Variants in LPAR1 observed in about 807,000 individuals in gnomAD.
LPAR1 encodes the protein LPA receptor 1.
A neutral mutation model predicts 23.8 loss-of-function variants in LPAR1; 5 were observed. That is an observed-to-expected ratio of 0.21 (90% CI 0.11 to 0.44). The LOEUF is 0.44. Among genes scored for constraint, LPAR1 ranks in the 20% least tolerant of loss-of-function variants. The probability of loss-of-function intolerance (pLI) is 0.99; values close to 1 mark genes in which losing one functional copy is unlikely to be tolerated. For missense variants in LPAR1, 311 were observed against 482.8 expected (o/e 0.64, Z 3.33); for synonymous variants, 160 against 164.7 (o/e 0.97, Z 0.22).
At chr9:110,983,351 A>G (rs904970558) in intron 2 of LPAR1, among the ~76,000 whole-genome samples, 2 of 152,100 alleles carry the variant, frequency 1.3e-5, no homozygotes, top group Admixed American at 1.3e-4. Flanking sequence ...ATTCTGGCAT[A>G]TGCTATGACA....
intron 4 of LPAR1, among the ~76,000 whole-genome samples, chr9:110,946,261 A>T (rs2095374140): frequency 6.6e-6 from 1 of 152,138 alleles, no homozygotes; most frequent in Non-Finnish European, 1.5e-5. Context: ...GAAAGATTAG[A>T]AGGAACCTGA....
At chr9:111,007,519 G>GA (rs1162627245) in intron 2 of LPAR1, among the ~76,000 whole-genome samples, 32 of 152,122 alleles carry the variant, frequency 2.1e-4, no homozygotes, top group African/African-American at 7.2e-4. Context: ...ATGAGCATAA[G>GA]AAAAAATTGT....
intron 5 of LPAR1, among the ~76,000 whole-genome samples, chr9:110,888,982 A>G (rs554203635): frequency 6.6e-6 from 1 of 152,366 alleles, no homozygotes; most frequent in East Asian, 1.9e-4. Flanking sequence ...GAATACTGCA[A>G]GGATATACAA....
intron 5 of LPAR1, among the ~76,000 whole-genome samples, chr9:110,925,894 T>C (rs1174542188): frequency 5.3e-5 from 8 of 152,282 alleles, no homozygotes; most frequent in African/African-American, 1.7e-4. Flanking sequence ...GGTCACACAA[T>C]TAACATGTCA....
chr9:110,912,610 T>A (rs563556134), intron 5 of LPAR1, among the ~76,000 whole-genome samples: 48 of 152,306 alleles, frequency 3.2e-4, no homozygotes, highest in African/African-American at 1.1e-3. Context: ...GAGATAGTGT[T>A]TGGATATTCA....
intron 4 of LPAR1, among the ~76,000 whole-genome samples, chr9:110,949,958 C>T (rs903462866): frequency 2.0e-5 from 3 of 152,096 alleles, no homozygotes; most frequent in African/African-American, 7.2e-5. Context: ...ATGATCATCT[C>T]AAAAGACATG....
At chr9:110,955,260 G>A in intron 4 of LPAR1, among the ~76,000 whole-genome samples, 1 of 152,066 alleles carries the variant, frequency 6.6e-6, no homozygotes, top group Non-Finnish European at 1.5e-5. Context: ...CCATGCAAAT[G>A]AAAACCAAGA....
chr9:110,890,257 T>A (rs958440976), intron 5 of LPAR1, among the ~76,000 whole-genome samples: 5 of 152,120 alleles, frequency 3.3e-5, no homozygotes, highest in African/African-American at 1.2e-4. Flanking sequence ...AATCTGAATA[T>A]ACCCAAAACA....
chr9:111,020,183 T>C (rs1444049375), intron 2 of LPAR1, among the ~76,000 whole-genome samples: 5 of 152,208 alleles, frequency 3.3e-5, no homozygotes, highest in Non-Finnish European at 5.9e-5. Flanking sequence ...ACATGAATAT[T>C]AGGGAGAAAA....
At position 110,919,119 on chromosome 9, in the gene LPAR1, G is replaced by T. The variant is rs555838954; in HGVS notation, c.793+22302C>A. On this transcript the variant is annotated intron_variant, in intron 5 of 5. Transcript: ENST00000683809. ...TATGTAATTAAATTGACAATAAATT[G>T]CTCAAAAGGGAGATTACCCTGGGTC... 1.7e-4 allele frequency among the ~76,000 whole-genome samples: 26 copies of T among 152,256 alleles called. No individual in the cohort carries two copies. In the South Asian group the frequency reaches 5.0e-3, roughly 29 times the overall value.
intron 2 of LPAR1, among the ~76,000 whole-genome samples, chr9:110,975,061 T>C (rs2096526757): frequency 6.6e-6 from 1 of 152,166 alleles, no homozygotes; most frequent in Non-Finnish European, 1.5e-5. Context: ...TAAATGAATA[T>C]ATCAATAATA....
chr9:110,960,117 T>C (rs1305991931), intron 4 of LPAR1, among the ~76,000 whole-genome samples: 2 of 151,972 alleles, frequency 1.3e-5, no homozygotes, highest in Non-Finnish European at 2.9e-5. Context: ...TTAACGAAAA[T>C]GTATGGTATA....
rs11791516 is a variant in LPAR1, at chr9:110,915,722, A to C, written c.793+25699T>G. ...GTACATACTCATTTTTCTTAGAATAAATTTCTGGAATTATGAAGATGTAAA... is the reference window on the plus strand; with the variant it reads ...GTACATACTCATTTTTCTTAGAATACATTTCTGGAATTATGAAGATGTAAA... On this transcript the variant is annotated intron_variant, in intron 5 of 5. Coordinates refer to ENST00000683809, the MANE Select transcript of LPAR1 (RefSeq NM_001351411.2). 8.5e-3 allele frequency among the ~76,000 whole-genome samples: 1,294 copies of C among 152,308 alleles called. 11 individuals carry two copies. Among genetic ancestry groups the C allele is most frequent in the Middle Eastern group, 0.014 (4 of 294 alleles).
intron 2 of LPAR1, among the ~76,000 whole-genome samples, chr9:111,018,204 T>C (rs1359459136): frequency 6.6e-6 from 1 of 152,202 alleles, no homozygotes; most frequent in Admixed American, 6.5e-5. Context: ...GGACAGATTA[T>C]TATTAAAGTT....
chr9:110,937,014 T>C (rs2094754881), intron 5 of LPAR1, among the ~76,000 whole-genome samples: 2 of 152,118 alleles, frequency 1.3e-5, no homozygotes, highest in Admixed American at 1.3e-4. Flanking sequence ...TAGGGAGGGA[T>C]TACATGACTT....
At chr9:110,966,570 T>C (rs1370082374) in intron 4 of LPAR1, among the ~76,000 whole-genome samples, 1 of 151,716 alleles carries the variant, frequency 6.6e-6, no homozygotes, top group Non-Finnish European at 1.5e-5. Context: ...CAAACCTGCA[T>C]GTTCTGCACA....
At chr9:110,892,753 A>G (rs2084703798) in intron 5 of LPAR1, among the ~76,000 whole-genome samples, 1 of 138,366 alleles carries the variant, frequency 7.2e-6, no homozygotes, top group South Asian at 2.6e-4. Context: ...AGAGGGAGGG[A>G]GGAAGGGGAG....
intron 4 of LPAR1, among the ~76,000 whole-genome samples, chr9:110,959,185 A>AAAAAAAC (rs2095865241): frequency 6.8e-6 from 1 of 146,418 alleles, no homozygotes; most frequent in Non-Finnish European, 1.5e-5. Context: ...AAAAAAAAAA[A>AAAAAAAC]CCACTAAAAC....
intron 5 of LPAR1, among the ~76,000 whole-genome samples, chr9:110,916,725 G>T: frequency 6.6e-6 from 1 of 152,122 alleles, no homozygotes; most frequent in East Asian, 1.9e-4. Context: ...TTTCTCTAGA[G>T]AATGCTAATT....
Sources: allele counts gnomAD v4.1 joint callset (sites outside exome capture counted in the v4.1 genomes callset), GRCh38; gene constraint gnomAD v4.1.1; transcripts MANE v1.5; gene names NCBI Gene and HGNC (gene_info 2026-07-23, HGNC 2026-07-21).